Variants in DMD observed in about 807,000 individuals in gnomAD.
The protein encoded by DMD is dystrophin, also known as mutant dystrophin.
In DMD, 63 loss-of-function variants were observed where a neutral mutation model predicts 330.1. The ratio of observed to expected loss-of-function variants is 0.19; its 90% CI spans 0.16 to 0.24. The LOEUF is 0.24. Ranked by LOEUF, DMD falls within the 10% of genes least tolerant of loss-of-function variation. The probability of loss-of-function intolerance (pLI) is 1.00; values close to 1 mark genes in which losing one functional copy is unlikely to be tolerated. For missense variants in DMD, 3,344 were observed against 2,684.1 expected (o/e 1.25, Z -5.43); for synonymous variants, 1,223 against 959.8 (o/e 1.27, Z -5.07).
At position 31,385,394 on chromosome X, in the gene DMD, CAT is replaced by C. The variant is rs781608996; in HGVS notation, c.9085-36762_9085-36761del. On this transcript the variant is annotated intron_variant, in intron 60 of 78. Transcript: ENST00000357033. ...TTAGACAGGCAAGATGTTTTGGAAA[CAT>C]ATTTGTTTCAGGAAATGTTTAAGTG... Among the ~76,000 whole-genome samples, 5 of 112,017 alleles carry C rather than the reference CAT, an allele frequency of 4.5e-5. No homozygotes were observed. The East Asian group carries it at 1.4e-3, about 31-fold the overall frequency.
chrX:32,096,519 C>CAAAT (rs1206302738), intron 44 of DMD, among the ~76,000 whole-genome samples: 3 of 105,716 alleles, frequency 2.8e-5, no homozygotes, highest in African/African-American at 1.0e-4. Context: ...GTAGAAAGCT[C>CAAAT]AAATAAATAA....
At chrX:31,667,799 G>C (rs1166454960) in intron 53 of DMD, among the ~76,000 whole-genome samples, 3 of 110,789 alleles carry the variant, frequency 2.7e-5, no homozygotes, top group Non-Finnish European at 3.8e-5. Context: ...TATACCTACT[G>C]TGTACCCACA....
chrX:32,787,247 T>TGTGA lies in DMD; in HGVS notation c.649+22245_649+22246insTCAC, dbSNP rs1322043646. Reference sequence around the variant, plus strand: ...GTGTGTGTGTGTGTGTGTGTGTGTGTGAGAGAGAGAGAGAGAGAGAGAGAG... The same window carrying TGTGA: ...GTGTGTGTGTGTGTGTGTGTGTGTGTGTGAGAGAGAGAGAGAGAGAGAGAGAGAG... On this transcript the variant is annotated intron_variant, in intron 7 of 78. Coordinates refer to ENST00000357033, the MANE Select transcript of DMD (RefSeq NM_004006.3). 1.3e-4 allele frequency among the ~76,000 whole-genome samples: 10 copies of TGTGA among 77,580 alleles called. 1 individual carries two copies. In the South Asian group the frequency reaches 2.0e-3, roughly 15 times the overall value. 67.4% of individuals were successfully genotyped at this position (77,580 alleles called of 115,157 possible). A position where few individuals can be genotyped will look rare whatever the true frequency, so the allele number is the denominator to read the frequency against.
chrX:32,678,174 T>A (rs763803065), intron 9 of DMD, among the ~76,000 whole-genome samples: 2 of 111,986 alleles, frequency 1.8e-5, no homozygotes, highest in Admixed American at 1.9e-4. Flanking sequence ...ATTCTAAAGA[T>A]CTGCTACACA....
intron 32 of DMD, among the ~76,000 whole-genome samples, 175 bp downstream of exon 32, chrX:32,389,326 A>G (rs1169471229): frequency 8.9e-6 from 1 of 111,953 alleles, no homozygotes; most frequent in East Asian, 2.8e-4. Flanking sequence ...TATAGACTCA[A>G]AAAAGACACA....
intron 11 of DMD, among the ~76,000 whole-genome samples, chrX:32,642,053 T>C (rs563648124): frequency 1.8e-5 from 2 of 111,884 alleles, no homozygotes; most frequent in South Asian, 3.7e-4. Context: ...TCACGTTTTT[T>C]GTTTCCTCTC....
At chrX:32,856,801 C>A (rs2081601295) in intron 2 of DMD, among the ~76,000 whole-genome samples, 1 of 111,739 alleles carries the variant, frequency 8.9e-6, no homozygotes, top group Non-Finnish European at 1.9e-5. Flanking sequence ...TTGGGCCAGG[C>A]ACGGTGGCTC....
At chrX:32,156,631 T>TACACAC (rs747490085) in intron 44 of DMD, among the ~76,000 whole-genome samples, 2,333 of 94,013 alleles carry the variant, frequency 0.025, 87 homozygotes, top group African/African-American at 0.084. Context: ...GACAAAAGGA[T>TACACAC]ACACACACAC....
chrX:33,010,231 T>TATGTGTAC (rs2093666675), intron 2 of DMD, among the ~76,000 whole-genome samples: 1 of 107,318 alleles, frequency 9.3e-6, no homozygotes, highest in East Asian at 3.0e-4. Context: ...TATGTGTGTA[T>TATGTGTAC]ATATGTACAT....
intron 11 of DMD, among the ~76,000 whole-genome samples, chrX:32,630,609 C>T (rs1282101474): frequency 9.0e-6 from 1 of 111,496 alleles, no homozygotes; most frequent in Non-Finnish European, 1.9e-5. Flanking sequence ...TCTTCTGTTA[C>T]TCGTCTCTGA....
intron 62 of DMD, among the ~76,000 whole-genome samples, chrX:31,291,656 C>T (rs1250337215): frequency 1.8e-5 from 2 of 111,337 alleles, no homozygotes; most frequent in East Asian, 2.8e-4. Context: ...ATAAATTTTC[C>T]CACTAGGAAA....
At chrX:31,828,725 T>G (rs1449354937) in intron 49 of DMD, among the ~76,000 whole-genome samples, 2 of 104,242 alleles carry the variant, frequency 1.9e-5, no homozygotes, top group Non-Finnish European at 3.9e-5. Context: ...CAAGGTTGAA[T>G]ATCAGTAATT....
At chrX:33,109,787 A>C (rs1342929565) in intron 1 of DMD, among the ~76,000 whole-genome samples, 2 of 110,671 alleles carry the variant, frequency 1.8e-5, no homozygotes, top group Non-Finnish European at 3.8e-5. Flanking sequence ...CAGAGCTTTG[A>C]TCTCTTCTTT....
At chrX:31,584,177 G>T (rs1212313048) in intron 55 of DMD, among the ~76,000 whole-genome samples, 3 of 108,702 alleles carry the variant, frequency 2.8e-5, no homozygotes, top group African/African-American at 1.0e-4. Context: ...ATTTGGGTTG[G>T]TTCCAAGTCT....
rs1223291361 is a variant in DMD at position 32,486,841 on chromosome X, A to G, written c.2623-1742T>C. Among the ~76,000 whole-genome samples, 11 of 106,450 alleles carry G rather than the reference A, an allele frequency of 1.0e-4. No homozygotes were observed. The East Asian group carries it at 2.0e-3, about 20-fold the overall frequency. The allele number at this position is 106,450 out of a possible 115,157, so 92.4% of individuals were successfully genotyped here. The stretch of plus-strand genomic sequence containing the variant: ...GGATCCCTTCCTTACAACTTATACA[A>G]AAATCAATTCAAGATGGATTAAAGA... On this transcript the variant is annotated intron_variant, in intron 20 of 78. Coordinates refer to ENST00000357033, the MANE Select transcript of DMD (RefSeq NM_004006.3).
At chrX:31,214,926 ATTTCTTT>A (rs775049548) in intron 64 of DMD, among the ~76,000 whole-genome samples, 241 of 57,008 alleles carry the variant, frequency 4.2e-3, no homozygotes, top group African/African-American at 5.6e-3. Context: ...ATACTTTTTT[ATTTCTTT>A]TTTCTTTTTT....
chrX:33,183,604 G>C (rs780696110), intron 1 of DMD, among the ~76,000 whole-genome samples: 8 of 111,384 alleles, frequency 7.2e-5, no homozygotes, highest in African/African-American at 2.6e-4. Context: ...GACTCCACCA[G>C]CCTCCCAACT....
At chrX:32,209,944 C>T (rs892081944) in intron 44 of DMD, among the ~76,000 whole-genome samples, 1 of 111,297 alleles carries the variant, frequency 9.0e-6, no homozygotes, top group African/African-American at 3.3e-5. Context: ...GATTGAAAGC[C>T]CCTCTCGGAA....
chrX:31,195,763 C>G (rs1054674074), intron 67 of DMD, among the ~76,000 whole-genome samples: 1 of 83,780 alleles, frequency 1.2e-5, no homozygotes. Flanking sequence ...AGAGAGAGAA[C>G]GAAAGAAAAG....
Sources: gnomAD v4.1 joint callset for allele counts (sites outside exome capture counted in the v4.1 genomes callset) on GRCh38, gnomAD v4.1.1 for gene constraint, MANE v1.5 for transcripts, NCBI Gene and HGNC (gene_info 2026-07-23, HGNC 2026-07-21) for gene names.